The following PTH2R variants were observed in gnomAD, a reference collection of about 807,000 sequenced individuals.
The protein encoded by PTH2R is PTH2 receptor.
PTH2R carries 59 observed loss-of-function variants against 60.3 expected under a neutral mutation model. The observed-to-expected ratio is 0.98, with a 90% confidence interval of 0.79 to 1.22. The LOEUF (loss-of-function observed/expected upper bound fraction) is 1.22. Ranked by LOEUF, PTH2R falls within the 50% of genes most tolerant of loss-of-function variation. PTH2R has a pLI of 0.00. For missense variants in PTH2R, 749 were observed against 682.6 expected (o/e 1.10, Z -1.08); for synonymous variants, 256 against 243.8 (o/e 1.05, Z -0.47).
intron 1 of PTH2R, among the ~76,000 whole-genome samples, chr2:208,410,552 TA>T (rs1197722980): frequency 6.6e-6 from 1 of 152,188 alleles, no homozygotes; most frequent in African/African-American, 2.4e-5. Flanking sequence ...GTTAGAGAAT[TA>T]GGGGCAATCT....
At chr2:208,402,774 T>C (rs978281681), upstream of PTH2R, among the ~76,000 whole-genome samples, 1 of 152,216 alleles carries the variant, frequency 6.6e-6, no homozygotes, top group African/African-American at 2.4e-5. Flanking sequence ...GGATTAAAAA[T>C]GTAATTCTAT....
chr2:208,398,309 A>G (rs1574837703), intron 1 of PTH2R, among the ~76,000 whole-genome samples: 1 of 152,204 alleles, frequency 6.6e-6, no homozygotes. Context: ...ACTCCTTGGC[A>G]TTTTCTTTAA....
rs558549491 is a variant in PTH2R, at chr2:208,432,877, A to G, written c.178+4574A>G. Among the ~76,000 whole-genome samples the G allele has an allele frequency of 1.4e-4, 22 of 152,288 alleles. No homozygotes were observed. In the South Asian group the frequency reaches 4.6e-3, roughly 32 times the overall value. The stretch of plus-strand genomic sequence containing the variant: ...TCTTCCCCCTGCTTTGTTCTAGCCA[A>G]CTGGAGGGTGCCCACCCTCAATGAG... On this transcript the variant is annotated intron_variant, in intron 2 of 12. Transcript: ENST00000272847.
At chr2:208,436,959 G>A (rs28756032) in intron 2 of PTH2R, among the ~76,000 whole-genome samples, 6,877 of 152,258 alleles carry the variant, frequency 0.045, 211 homozygotes, top group African/African-American at 0.096. Context: ...TGGAGATGAA[G>A]TGACTTGGAC....
chr2:208,395,340 C>T (rs1252644655), intron 1 of PTH2R, among the ~76,000 whole-genome samples: 1 of 152,108 alleles, frequency 6.6e-6, no homozygotes, highest in Non-Finnish European at 1.5e-5. Context: ...ACCACCACGC[C>T]CGGCCGAGTC....
intron 9 of PTH2R, among the ~76,000 whole-genome samples, chr2:208,478,780 G>T (rs998603420): frequency 3.3e-5 from 5 of 152,102 alleles, no homozygotes; most frequent in South Asian, 2.1e-4. Context: ...GATCCAGGCC[G>T]CATGGGCTGC....
At chr2:208,396,811 T>C (rs1701218202) in intron 1 of PTH2R, among the ~76,000 whole-genome samples, 1 of 152,198 alleles carries the variant, frequency 6.6e-6, no homozygotes, top group African/African-American at 2.4e-5. Context: ...ACAGGGTATA[T>C]ACCCAAAGGA....
chr2:208,491,619 T>A (rs1703404982), intron 12 of PTH2R, among the ~76,000 whole-genome samples: 1 of 151,998 alleles, frequency 6.6e-6, no homozygotes. Context: ...GAGGGAGAAT[T>A]TTTGTGTTTT....
chr2:208,388,134 C>CCCT (rs1553540989), intron 1 of PTH2R, among the ~76,000 whole-genome samples: 1 of 110,402 alleles, frequency 9.1e-6, no homozygotes, highest in African/African-American at 4.2e-5. Flanking sequence ...ATGGTGAAAC[C>CCCT]CCCCCCCCCG....
intron 1 of PTH2R, among the ~76,000 whole-genome samples, chr2:208,372,764 T>C (rs181487298): frequency 6.6e-6 from 1 of 152,172 alleles, no homozygotes; most frequent in Non-Finnish European, 1.5e-5. Context: ...AGGAACAATG[T>C]TCCCATCCCC....
intron 1 of PTH2R, among the ~76,000 whole-genome samples, chr2:208,401,445 G>GT (rs796961634): frequency 0.046 from 6,528 of 142,726 alleles, 405 homozygotes; most frequent in African/African-American, 0.15. Context: ...TTGCAAAAAG[G>GT]TTTTTTTTTT....
chr2:208,486,998 T>A (rs1052939576), intron 10 of PTH2R, among the ~76,000 whole-genome samples: 1 of 152,132 alleles, frequency 6.6e-6, no homozygotes, highest in Non-Finnish European at 1.5e-5. Context: ...CAGGTACTAG[T>A]GAGAGATAAG....
At chr2:208,379,122 C>T (rs1385110533) in intron 1 of PTH2R, among the ~76,000 whole-genome samples, 1 of 152,142 alleles carries the variant, frequency 6.6e-6, no homozygotes, top group Non-Finnish European at 1.5e-5. Flanking sequence ...GTTCATACCA[C>T]CATTATCACT....
intron 1 of PTH2R, among the ~76,000 whole-genome samples, chr2:208,400,613 C>A (rs955535186): frequency 3.3e-5 from 5 of 152,026 alleles, no homozygotes; most frequent in African/African-American, 1.2e-4. Context: ...TATCTATAAC[C>A]TTTTATAAAG....
At chr2:208,427,170 G>A (rs1701872428) in intron 1 of PTH2R, among the ~76,000 whole-genome samples, 2 of 151,996 alleles carry the variant, frequency 1.3e-5, no homozygotes, top group African/African-American at 2.4e-5. Context: ...TTTATACAAT[G>A]TTTTCTAGGA....
Position 208,461,830 on chromosome 2 carries a change from T to G in PTH2R, c.981+1869T>G, listed in dbSNP as rs187947322. 3.8e-3 allele frequency among the ~76,000 whole-genome samples: 580 copies of G among 152,328 alleles called. 4 individuals carry two copies. The highest frequency in any genetic ancestry group is 0.013 in the African/African-American group (545 of 41,576). On this transcript the variant is annotated intron_variant, in intron 9 of 12. Coordinates refer to ENST00000272847, the MANE Select transcript of PTH2R (RefSeq NM_005048.4). ...AAATTTATTTTCTGAGATTTGTAAC[T>G]TGTAATGTGAAACAGTAAAGCTAGG... is the stretch of plus-strand genomic sequence containing the variant.
intron 9 of PTH2R, among the ~76,000 whole-genome samples, chr2:208,478,016 C>A (rs533530464): frequency 6.8e-6 from 1 of 147,640 alleles, no homozygotes; most frequent in East Asian, 2.2e-4. Flanking sequence ...CTACTAAAAT[C>A]TCACCAGAAA....
exon 1 of PTH2R, chr2:208,360,232 G>A (rs1251778753): frequency 1.3e-5 from 6 of 452,778 alleles, no homozygotes; most frequent in Non-Finnish European, 2.7e-5. Flanking sequence ...CAGGTTCCTT[G>A]AACAGGTAAG....
chr2:208,366,910 A>C (rs1700604003), intron 1 of PTH2R, among the ~76,000 whole-genome samples: 1 of 152,190 alleles, frequency 6.6e-6, no homozygotes, highest in African/African-American at 2.4e-5. Flanking sequence ...TATTCAAATA[A>C]GGGAAATGCT....
Sources: gnomAD v4.1 joint callset for allele counts (sites outside exome capture counted in the v4.1 genomes callset) on GRCh38, gnomAD v4.1.1 for gene constraint, MANE v1.5 for transcripts, NCBI Gene and HGNC (gene_info 2026-07-23, HGNC 2026-07-21) for gene names.